B3GALT9: variants seen among roughly 807,000 people sequenced by gnomAD.
B3GALT9 encodes UDP-GlcNAc:betaGal beta-1,3-N-acetylglucosaminyltransferase 10 (putative).
intron 2 of B3GALT9, among the ~76,000 whole-genome samples, chr9:120,797,241 C>G (rs940222490): frequency 6.6e-6 from 1 of 152,026 alleles, no homozygotes; most frequent in South Asian, 2.1e-4. Context: ...CACGGTGGCT[C>G]TCACCTGTAA....
chr9:120,798,787 G>C lies in B3GALT9; in HGVS notation c.219G>C (p.Leu73=). Residue 73 remains leucine (L), a synonymous_variant, in exon 3 of 3, where the codon CTG becomes CTC. Coordinates refer to ENST00000689072, the MANE Select transcript of B3GALT9 (RefSeq NM_001386823.1). ...GTAATCTCTCCAAATATTATGTCCTGAGCCAGTCAGAAATATGTAAAGGGA... is the reference window on the plus strand; with the variant it reads ...GTAATCTCTCCAAATATTATGTCCTCAGCCAGTCAGAAATATGTAAAGGGA... The part of the protein sequence containing the change: ...LRSNLSKYYV[L]SQSEICKGKN... 1 of 399,076 alleles carries C rather than the reference G, an allele frequency of 2.5e-6. No homozygotes were observed. Among genetic ancestry groups the C allele is most frequent in the South Asian group, 1.3e-4 (1 of 7,852 alleles). 24.7% of individuals were successfully genotyped at this position (399,076 alleles called of 1,614,324 possible).
intron 2 of B3GALT9, among the ~76,000 whole-genome samples, chr9:120,796,909 T>C (rs2044942263): frequency 6.6e-6 from 1 of 151,914 alleles, no homozygotes; most frequent in Non-Finnish European, 1.5e-5. Context: ...ATACAAAAAT[T>C]AGCTGGGAGT....
intron 1 of B3GALT9, 150 bp downstream of exon 1, chr9:120,794,072 C>T (rs2044913729): frequency 6.2e-6 from 1 of 161,092 alleles, no homozygotes; most frequent in African/African-American, 2.4e-5. Flanking sequence ...CATCCGAAGG[C>T]TCTGAGGATT....
Position 120,800,657 on chromosome 9 carries a change from GTA to G in B3GALT9, c.*983_*984del, listed in dbSNP as rs1343855334. Among the ~76,000 whole-genome samples the G allele has an allele frequency of 3.9e-5, 6 of 152,020 alleles. No individual in the cohort carries two copies. The highest frequency in any genetic ancestry group is 7.4e-5 in the Non-Finnish European group (5 of 68,014). ...TGTTGTACAACATGTTTTGATATAT[GTA>G]TATGTTATAGAATGGCTAAATCAAG... On this transcript the variant is annotated 3_prime_UTR_variant, in exon 3 of 3. Coordinates refer to ENST00000689072, the MANE Select transcript of B3GALT9 (RefSeq NM_001386823.1).
intron 2 of B3GALT9, 109 bp from the exon 3 acceptor site, chr9:120,798,466 A>T: frequency 2.5e-6 from 1 of 398,186 alleles, no homozygotes. Context: ...TAAACACTTA[A>T]AATAGAGTGT....
chr9:120,793,666 G>C lies in B3GALT9; in HGVS notation c.-438G>C, dbSNP rs1352250103. 2.5e-6 allele frequency: 1 copy of C among 398,650 alleles called. No individual in the cohort carries two copies. The highest frequency in any genetic ancestry group is 2.1e-5 in the African/African-American group (1 of 48,650). 24.7% of individuals were successfully genotyped at this position (398,650 alleles called of 1,614,324 possible). On this transcript the variant is annotated 5_prime_UTR_variant, in exon 1 of 3. Coordinates refer to ENST00000689072, the MANE Select transcript of B3GALT9 (RefSeq NM_001386823.1). The stretch of plus-strand genomic sequence containing the variant: ...CGCGCTTATGTCCCTCCTCCAATCT[G>C]ATCTTGCACCAGCTCTGCAGTAGTT...
chr9:120,800,096 T>C lies in B3GALT9; in HGVS notation c.*418T>C, dbSNP rs2044961640. 1.3e-5 allele frequency among the ~76,000 whole-genome samples: 2 copies of C among 150,828 alleles called. No individual in the cohort carries two copies. The highest frequency in any genetic ancestry group is 2.4e-5 in the African/African-American group (1 of 41,012). On this transcript the variant is annotated 3_prime_UTR_variant, in exon 3 of 3. Transcript: ENST00000689072. The stretch of plus-strand genomic sequence containing the variant: ...TTTTGAGTAGCTGAGACTATAGGCA[T>C]GTGCCACCATACCCGGCTAATTTTT...
chr9:120,795,029 G>A (rs1577001), intron 1 of B3GALT9, among the ~76,000 whole-genome samples: 2,088 of 152,192 alleles, frequency 0.014, 27 homozygotes, highest in Admixed American at 0.023. Flanking sequence ...CTTCATTTAG[G>A]GTACTTGAAA....
At position 120,800,801 on chromosome 9, in the gene B3GALT9, A is replaced by G. The variant is rs1229653402; in HGVS notation, c.*1123A>G. On this transcript the variant is annotated 3_prime_UTR_variant, in exon 3 of 3. Coordinates refer to ENST00000689072, the MANE Select transcript of B3GALT9 (RefSeq NM_001386823.1). The stretch of plus-strand genomic sequence containing the variant: ...CTGTTAATTGTCATGACCATGATGT[A>G]TGATAGAGCTCTTGAACTTATTCCT... Among the ~76,000 whole-genome samples the G allele has an allele frequency of 6.6e-6, 1 of 152,244 alleles. No homozygotes were observed. Among genetic ancestry groups the G allele is most frequent in the African/African-American group, 2.4e-5 (1 of 41,460 alleles).
intron 2 of B3GALT9, among the ~76,000 whole-genome samples, chr9:120,797,137 G>GAGAAAGAAAGAAA (rs1412453184): frequency 4.6e-5 from 7 of 151,614 alleles, no homozygotes; most frequent in Non-Finnish European, 5.9e-5. Context: ...GAGAAAGAAA[G>GAGAAAGAAAGAAA]AGAAAGAAAG....
rs2044912854 is a variant in B3GALT9, at chr9:120,794,009, TACTTA to T, written c.-182+90_-182+94del. 1.5e-5 allele frequency: 3 copies of T among 193,648 alleles called. No homozygotes were observed. In the South Asian group the frequency reaches 5.8e-4, roughly 37 times the overall value. The allele number at this position is 193,648 out of a possible 1,614,324, so 12.0% of individuals were successfully genotyped here. On this transcript the variant is annotated intron_variant, in intron 1 of 2. Transcript: ENST00000689072. ...GTTTACACTCTGGCTGTGGCCCGGT[TACTTA>T]ACCTCTCAGACTTTGCTTCATCTGC... is the stretch of plus-strand genomic sequence containing the variant.
intron 1 of B3GALT9, among the ~76,000 whole-genome samples, chr9:120,795,880 A>T (rs531432162): frequency 6.6e-6 from 1 of 152,352 alleles, no homozygotes; most frequent in Non-Finnish European, 1.5e-5. Flanking sequence ...AGAAAACATC[A>T]AATGTTTAGT....
At chr9:120,798,184 C>T (rs1285078201) in intron 2 of B3GALT9, among the ~76,000 whole-genome samples, 1 of 152,196 alleles carries the variant, frequency 6.6e-6, no homozygotes, top group Non-Finnish European at 1.5e-5. Flanking sequence ...ATGTATTTTC[C>T]TACAGGTTTT....
Position 120,801,266 on chromosome 9 carries a change from A to G in B3GALT9, c.*1588A>G, listed in dbSNP as rs774029306. Reference sequence around the variant, plus strand: ...AGATTGTGTGGCAGTTCTATTTTTAATTTTGTGAGGAACCTCCATAATGGC... The same window carrying G: ...AGATTGTGTGGCAGTTCTATTTTTAGTTTTGTGAGGAACCTCCATAATGGC... On this transcript the variant is annotated 3_prime_UTR_variant, in exon 3 of 3. Coordinates refer to ENST00000689072, the MANE Select transcript of B3GALT9 (RefSeq NM_001386823.1). Among the ~76,000 whole-genome samples, 2 of 152,038 alleles carry G rather than the reference A, an allele frequency of 1.3e-5. No homozygotes were observed. Among genetic ancestry groups the G allele is most frequent in the African/African-American group, 2.4e-5 (1 of 41,396 alleles).
In B3GALT9 at chr9:120,798,941, G is replaced by A. The variant is rs944869324; in HGVS notation, c.373G>A (p.Gly125Arg). ...GHPILTLFAL[G>R]MPVSVTTQKE... ...TCCCATTCTCACACTGTTTGCTCTG[G>A]GAATGCCTGTTTCGGTAACTACCCA... The change falls in exon 3 of 3, where the codon GGA becomes AGA. Residue 125 changes from glycine to arginine, a missense_variant. Gly to Arg is a moderately radical substitution (Grantham distance 125). Coordinates refer to ENST00000689072, the MANE Select transcript of B3GALT9 (RefSeq NM_001386823.1). 3 of 398,998 alleles carry A rather than the reference G, an allele frequency of 7.5e-6. No individual in the cohort carries two copies. Among genetic ancestry groups the A allele is most frequent in the Non-Finnish European group, 1.3e-5 (3 of 226,072 alleles). The allele number at this position is 398,998 out of a possible 1,614,324, so 24.7% of individuals were successfully genotyped here.
At position 120,798,961 on chromosome 9, in the gene B3GALT9, T is replaced by C; in HGVS notation, c.393T>C (p.Thr131=). 2.5e-6 allele frequency: 1 copy of C among 399,082 alleles called. No individual in the cohort carries two copies. The highest frequency in any genetic ancestry group is 4.4e-6 in the Non-Finnish European group (1 of 226,086). The allele number at this position is 399,082 out of a possible 1,614,324, so 24.7% of individuals were successfully genotyped here. ...CTCTGGGAATGCCTGTTTCGGTAAC[T>C]ACCCAGAAAGAGATCAACAAAGAAT... The part of the protein sequence containing the change: ...LFALGMPVSV[T]TQKEINKESC... The change falls in exon 3 of 3, where the codon ACT becomes ACC. Residue 131 remains threonine (T), a synonymous_variant. Coordinates refer to ENST00000689072, the MANE Select transcript of B3GALT9 (RefSeq NM_001386823.1).
intron 2 of B3GALT9, among the ~76,000 whole-genome samples, chr9:120,798,120 T>A (rs1045050385): frequency 7.9e-5 from 12 of 152,250 alleles, no homozygotes; most frequent in African/African-American, 2.9e-4. Context: ...AGCCCCTGAC[T>A]TTTGTAATTA....
At position 120,799,330 on chromosome 9, in the gene B3GALT9, T is replaced by C. The variant is rs2044957048; in HGVS notation, c.762T>C (p.Ala254=). 9 of 399,298 alleles carry C rather than the reference T, an allele frequency of 2.3e-5. 1 individual carries two copies. In the East Asian group the frequency reaches 3.2e-4, roughly 14 times the overall value. 24.7% of individuals were successfully genotyped at this position (399,298 alleles called of 1,614,324 possible). The change falls in exon 3 of 3, where the codon GCT becomes GCC. Residue 254 remains alanine (A), a synonymous_variant. Coordinates refer to ENST00000689072, the MANE Select transcript of B3GALT9 (RefSeq NM_001386823.1). ...CCTTTATAATGTCCCAAGATGTGGCTCGAATGATGTATGTGGTTTTCAAAG... is the reference window on the plus strand; with the variant it reads ...CCTTTATAATGTCCCAAGATGTGGCCCGAATGATGTATGTGGTTTTCAAAG... ...GEAFIMSQDV[A]RMMYVVFKEV... is the part of the protein sequence containing the mutation.
At chr9:120,798,112 C>T (rs2131405521) in intron 2 of B3GALT9, among the ~76,000 whole-genome samples, 1 of 152,320 alleles carries the variant, frequency 6.6e-6, no homozygotes, top group East Asian at 1.9e-4. Flanking sequence ...GGAAAAATAG[C>T]CCCTGACTTT....
Sources: allele counts gnomAD v4.1 joint callset (sites outside exome capture counted in the v4.1 genomes callset), GRCh38; gene constraint gnomAD v4.1.1; transcripts MANE v1.5; gene names NCBI Gene and HGNC (gene_info 2026-07-23, HGNC 2026-07-21).